Variants in TNC observed in about 807,000 individuals in gnomAD.
TNC encodes the protein tenascin C.
In TNC, 109 loss-of-function variants were observed where a neutral mutation model predicts 202.4. The observed-to-expected ratio is 0.54, with a 90% CI of 0.46 to 0.63. TNC has a LOEUF of 0.63. TNC is among the 30% of genes least tolerant of loss of function. TNC has a pLI of 0.00. For synonymous variants in TNC, 1,007 were observed against 1,089.7 expected (o/e 0.92, Z 1.50); for missense variants, 2,756 against 2,833.3 (o/e 0.97, Z 0.62).
At chr9:115,052,743 T>A (rs2132307459) in intron 15 of TNC, 1 of 701,888 alleles carries the variant, frequency 1.4e-6, no homozygotes, top group Non-Finnish European at 2.6e-6. Context: ...TGAGTACCTG[T>A]AATGACAAAG....
chr9:115,059,710 T>C lies in TNC; in HGVS notation c.4306+20A>G, dbSNP rs758294216. The C allele has an allele frequency of 8.4e-6, 13 of 1,556,772 alleles. No individual in the cohort carries two copies. Among genetic ancestry groups the C allele is most frequent in the Middle Eastern group, 1.9e-4 (1 of 5,242 alleles). On this transcript the variant is annotated intron_variant, in intron 14 of 27. Transcript: ENST00000350763. ...AGCAAAGAACCTTGGGGAGAAAGCA[T>C]TGACAGGGAGAGGAAGTACCTGTGG...
intron 6 of TNC, among the ~76,000 whole-genome samples, chr9:115,079,966 T>C (rs1834174913): frequency 6.6e-6 from 1 of 152,180 alleles, no homozygotes; most frequent in South Asian, 2.1e-4. Context: ...TTCAGGTATA[T>C]GTGGTAAATT....
intron 1 of TNC, among the ~76,000 whole-genome samples, chr9:115,104,968 A>G (rs903287522): frequency 6.6e-6 from 1 of 152,106 alleles, no homozygotes. Flanking sequence ...GTGTACACCA[A>G]ATATTTGGCA....
chr9:115,057,653 C>T (rs1264086697), intron 14 of TNC, among the ~76,000 whole-genome samples: 2 of 152,250 alleles, frequency 1.3e-5, no homozygotes, highest in Non-Finnish European at 2.9e-5. Flanking sequence ...GATTTCTCTA[C>T]ATGCAGTTGC....
In TNC at chr9:115,091,045, G is replaced by A. The variant is rs1554719426; in HGVS notation, c.-27C>T. 2 of 1,591,694 alleles carry A rather than the reference G, an allele frequency of 1.3e-6. No homozygotes were observed. Among genetic ancestry groups the A allele is most frequent in the Middle Eastern group, 3.3e-4 (2 of 6,020 alleles). The stretch of plus-strand genomic sequence containing the variant: ...GTGGAGGTGGGTTTGGCTGGGTGCT[G>A]CTGGGGCTCTAGGGCTCTAGGGTAT... On this transcript the variant is annotated 5_prime_UTR_variant, in exon 2 of 28. Transcript: ENST00000350763.
intron 13 of TNC, among the ~76,000 whole-genome samples, chr9:115,061,557 C>T (rs1035511410): frequency 5.9e-5 from 9 of 152,190 alleles, no homozygotes; most frequent in Admixed American, 2.0e-4. Flanking sequence ...CCAGGCAACA[C>T]AGGAATAAAA....
At chr9:115,048,961 T>C (rs1831431672) in intron 15 of TNC, among the ~76,000 whole-genome samples, 1 of 152,118 alleles carries the variant, frequency 6.6e-6, no homozygotes, top group Non-Finnish European at 1.5e-5. Flanking sequence ...TATAATTTCT[T>C]TCCGGTATAC....
intron 6 of TNC, among the ~76,000 whole-genome samples, chr9:115,079,596 C>T (rs765579676): frequency 6.6e-6 from 1 of 152,184 alleles, no homozygotes; most frequent in Non-Finnish European, 1.5e-5. Flanking sequence ...CAGAAACTAA[C>T]AATGCTCTGT....
intron 15 of TNC, 41 bp from the exon 16 acceptor site, chr9:115,048,573 A>G (rs765043996): frequency 1.9e-6 from 3 of 1,580,942 alleles, no homozygotes; most frequent in Admixed American, 1.7e-5. Context: ...GGTTAGCAGC[A>G]CTGACTCTGT....
At chr9:115,109,125 CT>C (rs1836846123) in intron 1 of TNC, among the ~76,000 whole-genome samples, 1 of 152,120 alleles carries the variant, frequency 6.6e-6, no homozygotes, top group Admixed American at 6.5e-5. Context: ...CCACAAAACC[CT>C]TTTTTAGGTG....
chr9:115,065,277 TC>T lies in TNC; in HGVS notation c.3215-359del, dbSNP rs1453431055. 3.3e-5 allele frequency among the ~76,000 whole-genome samples: 5 copies of T among 152,146 alleles called. No homozygotes were observed. The East Asian group carries it at 9.7e-4, about 30-fold the overall frequency. On this transcript the variant is annotated intron_variant, in intron 10 of 27. Transcript: ENST00000350763. The stretch of plus-strand genomic sequence containing the variant: ...CAGGCGTGTTGGTGGGCACCTGTAA[TC>T]CCAGCTACTCAGGAGGCTGAGGCAG...
In TNC at chr9:115,021,283, A is replaced by AGAGAG. The variant is rs774213461; in HGVS notation, c.6496-17_6496-16insCTCTC. 9.1e-7 allele frequency: 1 copy of AGAGAG among 1,102,184 alleles called. No individual in the cohort carries two copies. Among genetic ancestry groups the AGAGAG allele is most frequent in the Non-Finnish European group, 1.3e-6 (1 of 792,598 alleles). 68.3% of individuals were successfully genotyped at this position (1,102,184 alleles called of 1,614,324 possible). A position where few individuals can be genotyped will look rare whatever the true frequency, so the allele number is the denominator to read the frequency against. ...AGTTAACGCCCTGTTAAAAAAAAAA[A>AGAGAG]AGAGAGAGAGAGAGAGAGAGAGAAG... On this transcript the variant is annotated splice_polypyrimidine_tract_variant and intron_variant, in intron 27 of 27. Transcript: ENST00000350763.
At chr9:115,087,767 T>A (rs1378395231) in intron 2 of TNC, among the ~76,000 whole-genome samples, 1 of 147,166 alleles carries the variant, frequency 6.8e-6, no homozygotes, top group Non-Finnish European at 1.5e-5. Flanking sequence ...AGCGGCGCCA[T>A]CTTGGCTCAC....
In TNC at chr9:115,059,945, C is replaced by T. The variant is rs1408170461; in HGVS notation, c.4091G>A (p.Arg1364Lys). 8.7e-6 allele frequency: 14 copies of T among 1,613,958 alleles called. No individual in the cohort carries two copies. The highest frequency in any genetic ancestry group is 5.0e-5 in the Admixed American group (3 of 60,000). ...AVSEVGWDGL[R>K]LNWTAADNAY... is the part of the protein sequence containing the mutation. ...ATTGTCAGCTGCGGTCCAGTTGAGT[C>T]TGAGGCCATCCCAGCCAACCTCAGA... The change falls in exon 14 of 28, where the codon AGA becomes AAA. Residue 1364 changes from arginine (R) to lysine (K), a missense_variant. Arg to Lys is a conservative substitution (Grantham distance 26, BLOSUM62 2). Transcript: ENST00000350763.
At chr9:115,112,438 G>C (rs112911430) in intron 1 of TNC, among the ~76,000 whole-genome samples, 2 of 152,172 alleles carry the variant, frequency 1.3e-5, no homozygotes, top group Non-Finnish European at 2.9e-5. Context: ...ATTGAAATAA[G>C]GTTGAGGGGA....
At chr9:115,099,987 T>C (rs1836107308) in intron 1 of TNC, among the ~76,000 whole-genome samples, 1 of 152,200 alleles carries the variant, frequency 6.6e-6, no homozygotes, top group African/African-American at 2.4e-5. Flanking sequence ...TCTAACTCAG[T>C]AGCAAGAAAA....
chr9:115,073,811 G>T lies in TNC; in HGVS notation c.3006C>A (p.Thr1002=), dbSNP rs370451569. 55 of 1,613,700 alleles carry T rather than the reference G, an allele frequency of 3.4e-5. No homozygotes were observed. The highest frequency in any genetic ancestry group is 4.5e-5 in the Non-Finnish European group (53 of 1,180,010). Residue 1002 remains threonine, a synonymous_variant, in exon 10 of 28, where the codon ACC becomes ACA. Coordinates refer to ENST00000350763, the MANE Select transcript of TNC (RefSeq NM_002160.4). The part of the protein sequence containing the change: ...QVSETAETSL[T]LLWKTPLAKF... ...TGGCCAACGGTGTCTTCCAGAGCAG[G>T]GTCAGGCTGGTCTCTGCAGTTTCAG...
At chr9:115,059,003 G>A (rs1832341777) in intron 14 of TNC, among the ~76,000 whole-genome samples, 1 of 152,150 alleles carries the variant, frequency 6.6e-6, no homozygotes, top group Admixed American at 6.6e-5. Flanking sequence ...GAGCAAAAAG[G>A]GTATCAGTTC....
rs1284376749 is a variant in TNC, at chr9:115,086,666, C to T, written c.1065G>A (p.Arg355=). The change falls in exon 3 of 28, where the codon CGG becomes CGA. Residue 355 remains arginine, a synonymous_variant. Transcript: ENST00000350763. ...CACATACACACTGCCCCTCCTCACACCGGCCCTGGGTGTGGCAGGCATGTG... is the reference window on the plus strand; with the variant it reads ...CACATACACACTGCCCCTCCTCACATCGGCCCTGGGTGTGGCAGGCATGTG... ...TCPHACHTQG[R]CEEGQCVCDE... is the part of the protein sequence containing the mutation. 1.2e-6 allele frequency: 2 copies of T among 1,614,186 alleles called. No individual in the cohort carries two copies. Among genetic ancestry groups the T allele is most frequent in the East Asian group, 2.2e-5 (1 of 44,880 alleles).
Sources: gnomAD v4.1 joint callset for allele counts (sites outside exome capture counted in the v4.1 genomes callset) on GRCh38, gnomAD v4.1.1 for gene constraint, MANE v1.5 for transcripts, NCBI Gene and HGNC (gene_info 2026-07-23, HGNC 2026-07-21) for gene names.